Variants in GPR149 observed in about 807,000 individuals in gnomAD.
GPR149 encodes the protein probable G protein-coupled receptor 149.
In GPR149, 50 loss-of-function variants were observed where a neutral mutation model predicts 50.2. That is an observed-to-expected ratio of 1.00 (90% CI 0.79 to 1.26). GPR149 has a LOEUF of 1.26. GPR149 is among the 50% of genes most tolerant of loss of function. The pLI is 0.00. For synonymous variants in GPR149, 405 were observed against 358.2 expected, an observed-to-expected ratio of 1.13 and a Z score of -1.48; for missense variants, 983 against 895.4, an observed-to-expected ratio of 1.10 and a Z score of -1.25.
intron 3 of GPR149, among the ~76,000 whole-genome samples, chr3:154,377,662 G>A (rs891132848): frequency 1.6e-4 from 25 of 151,944 alleles, no homozygotes; most frequent in South Asian, 4.2e-4. Flanking sequence ...CACTGTGCCC[G>A]GCCCACTCTG....
chr3:154,398,088 T>C (rs192655119), intron 3 of GPR149, among the ~76,000 whole-genome samples: 56 of 152,304 alleles, frequency 3.7e-4, no homozygotes, highest in Admixed American at 8.5e-4. Flanking sequence ...TACACACTTA[T>C]ACACATACAC....
rs142368312 is a variant in GPR149 at position 154,429,664 on chromosome 3, T to C, written c.-49A>G. ...CCCTTATCAATGAGTCTGATAATTTTCTCAAAAGAAAGACCGGCTGCTGCA... is the reference window on the plus strand; with the variant it reads ...CCCTTATCAATGAGTCTGATAATTTCCTCAAAAGAAAGACCGGCTGCTGCA... On this transcript the variant is annotated 5_prime_UTR_variant, in exon 1 of 4. Transcript: ENST00000389740. 468 of 1,515,998 alleles carry C rather than the reference T, an allele frequency of 3.1e-4. 1 individual carries two copies. The African/African-American group carries it at 5.9e-3, about 19-fold the overall frequency. 93.9% of individuals were successfully genotyped at this position (1,515,998 alleles called of 1,614,324 possible).
chr3:154,346,479 G>C (rs1713928656), intron 3 of GPR149, among the ~76,000 whole-genome samples: 1 of 152,122 alleles, frequency 6.6e-6, no homozygotes. Context: ...ACAAGGGCAA[G>C]AAAATGAGGG....
intron 3 of GPR149, among the ~76,000 whole-genome samples, chr3:154,386,020 A>C (rs1284574846): frequency 6.6e-6 from 1 of 152,200 alleles, no homozygotes; most frequent in Non-Finnish European, 1.5e-5. Context: ...CTTCAGGTAC[A>C]GGTAAGGGGA....
chr3:154,428,501 C>T, intron 1 of GPR149, 134 bp downstream of exon 1: 3 of 1,026,818 alleles, frequency 2.9e-6, no homozygotes, highest in South Asian at 1.6e-5. Flanking sequence ...TGTCTAAAAC[C>T]CAGCGAGATA....
chr3:154,389,838 AC>A (rs1715124233), intron 3 of GPR149, among the ~76,000 whole-genome samples: 1 of 152,216 alleles, frequency 6.6e-6, no homozygotes, highest in African/African-American at 2.4e-5. Flanking sequence ...GTAAGTTAAC[AC>A]ATGCCACAGC....
At chr3:154,352,194 C>T (rs1384155593) in intron 3 of GPR149, 1 of 863,358 alleles carries the variant, frequency 1.2e-6, no homozygotes, top group Non-Finnish European at 1.8e-6. Flanking sequence ...CCCACTTCAT[C>T]TTCTACCATC....
chr3:154,423,330 G>A (rs1218909146), intron 2 of GPR149, among the ~76,000 whole-genome samples: 1 of 151,846 alleles, frequency 6.6e-6, no homozygotes, highest in African/African-American at 2.4e-5. Flanking sequence ...AGCTACTGAA[G>A]ATTGCTTACA....
intron 3 of GPR149, among the ~76,000 whole-genome samples, chr3:154,383,730 AATTTGTATGTTG>A (rs1025508488): frequency 4.6e-5 from 7 of 152,090 alleles, no homozygotes; most frequent in Middle Eastern, 3.4e-3. Context: ...GTCCCCCCAA[AATTTGTATGTTG>A]ATCTTTAATC....
Position 154,337,942 on chromosome 3 carries a change from G to C in GPR149, c.1953C>G (p.Ser651=), listed in dbSNP as rs762772012. Residue 651 remains serine, a synonymous_variant, in exon 4 of 4, where the codon TCC becomes TCG. Coordinates refer to ENST00000389740, the MANE Select transcript of GPR149 (RefSeq NM_001038705.3). The part of the protein sequence containing the change: ...SQSSTQVRSP[S]LRYSRKENRF... ...TGTTTTCTTTCCTGGAGTAACGTAG[G>C]GATGGAGATCTGACTTGTGTGGAGG... is the stretch of plus-strand genomic sequence containing the variant. 1 of 1,613,502 alleles carries C rather than the reference G, an allele frequency of 6.2e-7. No homozygotes were observed. Among genetic ancestry groups the C allele is most frequent in the Middle Eastern group, 1.7e-4 (1 of 6,058 alleles).
At chr3:154,385,110 T>G (rs1715016851) in intron 3 of GPR149, among the ~76,000 whole-genome samples, 1 of 152,222 alleles carries the variant, frequency 6.6e-6, no homozygotes, top group Non-Finnish European at 1.5e-5. Flanking sequence ...ATAGCTGAGC[T>G]TATGTGTTGA....
intron 3 of GPR149, among the ~76,000 whole-genome samples, chr3:154,363,602 A>C (rs2108396666): frequency 6.6e-6 from 1 of 152,266 alleles, no homozygotes; most frequent in African/African-American, 2.4e-5. Flanking sequence ...GACAGGGACA[A>C]GTCCCCAGTG....
At chr3:154,345,991 T>C (rs1713917537) in intron 3 of GPR149, among the ~76,000 whole-genome samples, 2 of 152,202 alleles carry the variant, frequency 1.3e-5, no homozygotes, top group Admixed American at 1.3e-4. Context: ...TTCTATTATT[T>C]GTATCATGTT....
chr3:154,421,866 T>A (rs1712155818), intron 2 of GPR149, among the ~76,000 whole-genome samples: 1 of 151,792 alleles, frequency 6.6e-6, no homozygotes, highest in African/African-American at 2.4e-5. Flanking sequence ...TAAGAGATAT[T>A]ATTTATAAAT....
intron 3 of GPR149, among the ~76,000 whole-genome samples, chr3:154,412,516 C>A (rs4680131): frequency 0.51 from 77,259 of 151,918 alleles, 20,196 homozygotes; most frequent in Middle Eastern, 0.63. Context: ...ATCAGTAGCT[C>A]TGCTATACAC....
At chr3:154,388,874 A>G (rs1715105440) in intron 3 of GPR149, among the ~76,000 whole-genome samples, 1 of 144,544 alleles carries the variant, frequency 6.9e-6, no homozygotes, top group African/African-American at 2.8e-5. Context: ...TATGAAAAAC[A>G]CACACACACA....
intron 3 of GPR149, among the ~76,000 whole-genome samples, chr3:154,376,042 T>A (rs1714786323): frequency 6.6e-6 from 1 of 152,222 alleles, no homozygotes; most frequent in Admixed American, 6.5e-5. Context: ...AGCTTCTTCA[T>A]CTTCTAAATA....
intron 3 of GPR149, among the ~76,000 whole-genome samples, chr3:154,372,617 A>G (rs146029373): frequency 6.6e-6 from 1 of 152,272 alleles, no homozygotes; most frequent in East Asian, 1.9e-4. Context: ...GGACACCATT[A>G]TTTTCAAACC....
chr3:154,364,148 C>T (rs1466975855), intron 3 of GPR149, among the ~76,000 whole-genome samples: 1 of 152,186 alleles, frequency 6.6e-6, no homozygotes, highest in South Asian at 2.1e-4. Context: ...GTGCCACTCC[C>T]TCCTGCTTGC....
Sources: allele counts gnomAD v4.1 joint callset (sites outside exome capture counted in the v4.1 genomes callset), GRCh38; gene constraint gnomAD v4.1.1; transcripts MANE v1.5; gene names NCBI Gene and HGNC (gene_info 2026-07-23, HGNC 2026-07-21).